Variants in PM20D2 observed in about 807,000 individuals in gnomAD.
PM20D2 encodes the protein xaa-Arg dipeptidase.
Under a neutral mutation model 42.9 loss-of-function variants are expected in PM20D2, and 33 were observed. The ratio of observed to expected loss-of-function variants is 0.77; its 90% CI spans 0.58 to 1.03. The LOEUF is 1.03. Among genes scored for constraint, PM20D2 ranks in the 50% least tolerant of loss-of-function variants. The probability of loss-of-function intolerance (pLI) is 0.00; values close to 1 mark genes in which losing one functional copy is unlikely to be tolerated. For missense variants in PM20D2, 548 were observed against 557.0 expected (o/e 0.98, Z 0.16); for synonymous variants, 250 against 228.2 (o/e 1.10, Z -0.86).
chr6:89,107,560 T>C, the PM20D2 span, among the ~76,000 whole-genome samples: 1 of 151,846 alleles, frequency 6.6e-6, no homozygotes, highest in Non-Finnish European at 1.5e-5. Context: ...TGAAACCCCG[T>C]CTCTACAAAA....
In PM20D2 at chr6:89,163,133, C is replaced by G. The variant is rs2127783498; in HGVS notation, c.*870C>G. The G allele has an allele frequency of 6.6e-6, 1 of 152,244 alleles. No homozygotes were observed. The highest frequency in any genetic ancestry group is 1.9e-4 in the East Asian group (1 of 5,180). 9.4% of individuals were successfully genotyped at this position (152,244 alleles called of 1,614,324 possible). On this transcript the variant is annotated 3_prime_UTR_variant, in exon 7 of 7. Transcript: ENST00000275072. ...AATTGTTACAGTATCTAGCATATTG[C>G]TTACTCTGAATATTCAGTACTTTTT...
At chr6:89,111,178 G>A in the PM20D2 span, among the ~76,000 whole-genome samples, 88 of 150,812 alleles carry the variant, frequency 5.8e-4, no homozygotes, top group Non-Finnish European at 9.7e-4. Flanking sequence ...GCACAATCTC[G>A]GGTCACTGCA....
At chr6:89,154,476 A>T (rs1197702591) in intron 3 of PM20D2, among the ~76,000 whole-genome samples, 2 of 152,162 alleles carry the variant, frequency 1.3e-5, no homozygotes, top group Non-Finnish European at 2.9e-5. Flanking sequence ...GTTTCATTAT[A>T]GTCTGGATCA....
intron 4 of PM20D2, 137 bp from the exon 5 acceptor site, chr6:89,158,188 T>G: frequency 1.4e-6 from 1 of 724,658 alleles, no homozygotes; most frequent in Non-Finnish European, 2.2e-6. Context: ...AGGTAAGAGA[T>G]TTGAGAGTGT....
chr6:89,095,171 A>ATAT, the PM20D2 span, among the ~76,000 whole-genome samples: 2 of 152,190 alleles, frequency 1.3e-5, no homozygotes, highest in Non-Finnish European at 2.9e-5. Flanking sequence ...AGTACCCTAC[A>ATAT]TATTCTACTA....
the PM20D2 span, among the ~76,000 whole-genome samples, chr6:89,099,762 C>T: frequency 6.6e-6 from 1 of 151,978 alleles, no homozygotes; most frequent in African/African-American, 2.4e-5. Flanking sequence ...CTCAATCTCC[C>T]GACCTCAGGT....
At position 89,164,938 on chromosome 6, in the gene PM20D2, A is replaced by AGAAAG. The variant is rs567782022; in HGVS notation, c.*2675_*2676insGAAAG. 7.0e-6 allele frequency: 1 copy of AGAAAG among 142,770 alleles called. No homozygotes were observed. The highest frequency in any genetic ancestry group is 7.1e-5 in the Admixed American group (1 of 14,184). The allele number at this position is 142,770 out of a possible 1,614,324, so 8.8% of individuals were successfully genotyped here. On this transcript the variant is annotated 3_prime_UTR_variant, in exon 7 of 7. Coordinates refer to ENST00000275072, the MANE Select transcript of PM20D2 (RefSeq NM_001010853.3). ...CTGTGCCTGTAAAAAAAAAAAAAAA[A>AGAAAG]AAAAGAAAAGAAAAGACACTGTTGC...
chr6:89,116,149 G>C, the PM20D2 span, among the ~76,000 whole-genome samples: 1 of 152,050 alleles, frequency 6.6e-6, no homozygotes, highest in Non-Finnish European at 1.5e-5. Context: ...ATTTCTATTT[G>C]ATAGTCCACA....
chr6:89,098,755 C>A, the PM20D2 span: 1 of 1,613,918 alleles, frequency 6.2e-7, no homozygotes, highest in Non-Finnish European at 8.5e-7. Context: ...CTGAGCTAGT[C>A]TGCTTTTGAG....
At chr6:89,099,763 G>C in the PM20D2 span, among the ~76,000 whole-genome samples, 1 of 151,982 alleles carries the variant, frequency 6.6e-6, no homozygotes, top group Non-Finnish European at 1.5e-5. Flanking sequence ...TCAATCTCCC[G>C]ACCTCAGGTT....
the PM20D2 span, chr6:89,099,067 A>G: frequency 1.6e-6 from 2 of 1,227,344 alleles, no homozygotes; most frequent in Non-Finnish European, 2.2e-6. Context: ...AGATAAGCTA[A>G]AAAAATTTCT....
the PM20D2 span, among the ~76,000 whole-genome samples, chr6:89,125,232 G>C: frequency 6.6e-6 from 1 of 152,186 alleles, no homozygotes; most frequent in African/African-American, 2.4e-5. Flanking sequence ...TGTAATCCCA[G>C]CACTTTGGCA....
intron 4 of PM20D2, among the ~76,000 whole-genome samples, chr6:89,157,593 C>T (rs954398060): frequency 5.9e-5 from 9 of 152,222 alleles, no homozygotes; most frequent in African/African-American, 2.2e-4. Context: ...TGTCAGTTTG[C>T]ATATTGAATA....
chr6:89,162,099 T>C lies in PM20D2; in HGVS notation c.1157-10T>C. 1.3e-6 allele frequency: 2 copies of C among 1,593,792 alleles called. No individual in the cohort carries two copies. The highest frequency in any genetic ancestry group is 2.2e-5 in the East Asian group (1 of 44,738). On this transcript the variant is annotated splice_polypyrimidine_tract_variant and intron_variant, in intron 6 of 6. Coordinates refer to ENST00000275072, the MANE Select transcript of PM20D2 (RefSeq NM_001010853.3). Reference sequence around the variant, plus strand: ...AAGTAAGGAGGTATTTTATTTTCTCTACCTTTTAGGGTCACAGGAAGCTCA... The same window carrying C: ...AAGTAAGGAGGTATTTTATTTTCTCCACCTTTTAGGGTCACAGGAAGCTCA...
the PM20D2 span, among the ~76,000 whole-genome samples, chr6:89,122,972 C>T: frequency 3.2e-4 from 49 of 152,230 alleles, no homozygotes; most frequent in African/African-American, 1.2e-3. Flanking sequence ...TGATTGTATC[C>T]TTTTATGAAT....
At chr6:89,099,470 G>GTA in the PM20D2 span, among the ~76,000 whole-genome samples, 10 of 137,782 alleles carry the variant, frequency 7.3e-5, no homozygotes, top group African/African-American at 1.2e-4. Context: ...ATATGTGTGT[G>GTA]TATATATATA....
chr6:89,115,994 A>G, the PM20D2 span, among the ~76,000 whole-genome samples: 13 of 152,194 alleles, frequency 8.5e-5, no homozygotes, highest in Admixed American at 7.2e-4. Context: ...TTACACATAC[A>G]AAATCCAGAT....
the PM20D2 span, among the ~76,000 whole-genome samples, chr6:89,114,349 G>C: frequency 6.6e-6 from 1 of 152,180 alleles, no homozygotes; most frequent in East Asian, 1.9e-4. Context: ...AACTGCTTGA[G>C]CCCAGGAGGC....
At chr6:89,149,239 TC>T (rs1770741990) in intron 1 of PM20D2, 25 bp from the exon 2 acceptor site, 2 of 1,608,180 alleles carry the variant, frequency 1.2e-6, no homozygotes. Flanking sequence ...TTGTTGTTTT[TC>T]CCTGACATGA....
Sources: gnomAD v4.1 joint callset for allele counts (sites outside exome capture counted in the v4.1 genomes callset) on GRCh38, gnomAD v4.1.1 for gene constraint, MANE v1.5 for transcripts, NCBI Gene and HGNC (gene_info 2026-07-23, HGNC 2026-07-21) for gene names.